BRAF: variants seen among roughly 807,000 people sequenced by gnomAD.
BRAF encodes serine/threonine-protein kinase B-raf.
BRAF carries 16 observed loss-of-function variants against 104.6 expected under a neutral mutation model. That is an observed-to-expected ratio of 0.15 (90% CI 0.10 to 0.23). The LOEUF (loss-of-function observed/expected upper bound fraction) is 0.23, where lower values mean the gene tolerates loss of function less well. Among genes scored for constraint, BRAF ranks in the 10% least tolerant of loss-of-function variants. The pLI is 1.00. For missense variants in BRAF, 541 were observed against 937.3 expected (o/e 0.58, Z 5.52); for synonymous variants, 310 against 341.6 (o/e 0.91, Z 1.02).
chr7:140,819,576 C>T (rs144467276), intron 3 of BRAF, among the ~76,000 whole-genome samples: 4 of 152,182 alleles, frequency 2.6e-5, no homozygotes, highest in South Asian at 2.1e-4. Flanking sequence ...AAAGTAGAAA[C>T]GACACAGATG....
At chr7:140,884,461 G>GTA (rs1202329807) in intron 1 of BRAF, among the ~76,000 whole-genome samples, 1 of 148,384 alleles carries the variant, frequency 6.7e-6, no homozygotes, top group Non-Finnish European at 1.5e-5. Context: ...GTGTGTGTGT[G>GTA]TGTGTGTGTG....
chr7:140,777,193 CTTT>C, intron 13 of BRAF, 105 bp from the exon 13 acceptor site: 5 of 976,720 alleles, frequency 5.1e-6, no homozygotes, highest in Non-Finnish European at 7.3e-6. Flanking sequence ...TCAGAAAAAG[CTTT>C]TTTTTTTTTA....
chr7:140,868,962 G>A (rs373553548), intron 1 of BRAF, among the ~76,000 whole-genome samples: 72 of 152,224 alleles, frequency 4.7e-4, no homozygotes, highest in African/African-American at 1.6e-3. Context: ...AGGATTTGCT[G>A]GTAAATTGGA....
chr7:140,843,865 TG>T (rs1808259955), intron 2 of BRAF, among the ~76,000 whole-genome samples: 1 of 151,668 alleles, frequency 6.6e-6, no homozygotes, highest in South Asian at 2.1e-4. Flanking sequence ...CAAAATTAGA[TG>T]GGCGTGGTGG....
intron 10 of BRAF, among the ~76,000 whole-genome samples, chr7:140,785,497 C>T (rs73491853): frequency 0.078 from 11,798 of 152,218 alleles, 1,484 homozygotes; most frequent in African/African-American, 0.27. Flanking sequence ...TGACAGACAG[C>T]ATACAGAAAG....
chr7:140,854,205 C>G (rs1809517761), intron 1 of BRAF, among the ~76,000 whole-genome samples: 1 of 152,104 alleles, frequency 6.6e-6, no homozygotes, highest in Non-Finnish European at 1.5e-5. Context: ...TAGAGCATCC[C>G]TCTATGATGT....
intron 12 of BRAF, chr7:140,779,791 G>C (rs142762765): frequency 1.3e-5 from 2 of 152,212 alleles, no homozygotes; most frequent in South Asian, 2.1e-4. Context: ...AATTAGCCAG[G>C]GGTGGTGGTA....
At chr7:140,756,552 C>A (rs1194301136) in intron 14 of BRAF, among the ~76,000 whole-genome samples, 3 of 151,380 alleles carry the variant, frequency 2.0e-5, no homozygotes, top group East Asian at 3.9e-4. Context: ...AAAAAAAAAA[C>A]CCAAACAAAA....
chr7:140,847,638 G>C (rs1413985493), intron 2 of BRAF, among the ~76,000 whole-genome samples: 1 of 151,732 alleles, frequency 6.6e-6, no homozygotes, highest in East Asian at 1.9e-4. Context: ...AGCAGTACAA[G>C]ATAAATCAAC....
intron 17 of BRAF, chr7:140,747,435 G>A (rs573740957): frequency 7.0e-6 from 9 of 1,288,560 alleles, no homozygotes; most frequent in Non-Finnish European, 9.1e-6. Flanking sequence ...TACTCCCATG[G>A]AGGACAAAGC....
chr7:140,915,476 C>T (rs1318202783), intron 1 of BRAF, among the ~76,000 whole-genome samples: 1 of 146,940 alleles, frequency 6.8e-6, no homozygotes, highest in African/African-American at 2.5e-5. Context: ...CTCTTGTTGC[C>T]CAGGCTGGAG....
At chr7:140,778,196 A>G in intron 12 of BRAF, 121 bp from the exon 12 acceptor site, 1 of 882,562 alleles carries the variant, frequency 1.1e-6, no homozygotes, top group Non-Finnish European at 1.8e-6. Flanking sequence ...TAAATCACAA[A>G]TAAATTATAC....
Position 140,800,447 on chromosome 7 carries a change from G to C in BRAF, c.895C>G (p.Pro299Ala). The C allele has an allele frequency of 1.2e-6, 2 of 1,614,098 alleles. No individual in the cohort carries two copies. Among genetic ancestry groups the C allele is most frequent in the Non-Finnish European group, 8.5e-7 (1 of 1,180,026 alleles). Residue 299 changes from proline (P) to alanine (A), a missense_variant, in exon 7 of 20, where the codon CCA becomes GCA. Physicochemically the swap from Pro to Ala is conservative, Grantham distance 27. This residue lies in a region of BRAF where 79 missense variants were observed against 74.6 expected (regional missense o/e 1.06). Transcript: ENST00000644969. ...AAGGACGCCTCTTCCTGTGGTATTG[G>C]GTGGTGTTCAAAGAACTTGGAGACA... The part of the protein sequence containing the change: ...LFVSKFFEHH[P>A]IPQEEASLAE...
At chr7:140,823,956 C>T (rs750885861) in intron 3 of BRAF, 31 of 152,132 alleles carry the variant, frequency 2.0e-4, no homozygotes, top group Non-Finnish European at 3.5e-4. Context: ...ATCTGGATAT[C>T]TTCATTAAAG....
At chr7:140,744,682 A>G (rs1303817025) in intron 17 of BRAF, among the ~76,000 whole-genome samples, 1 of 152,226 alleles carries the variant, frequency 6.6e-6, no homozygotes, top group Admixed American at 6.5e-5. Context: ...ACTAAGTCTT[A>G]GTATCTAGTG....
intron 1 of BRAF, among the ~76,000 whole-genome samples, chr7:140,917,906 A>C (rs1287485060): frequency 2.0e-5 from 3 of 152,204 alleles, no homozygotes; most frequent in Non-Finnish European, 4.4e-5. Flanking sequence ...AGTCAAACTC[A>C]TTTGTTTAAA....
chr7:140,813,517 T>C (rs1232356824), intron 3 of BRAF, among the ~76,000 whole-genome samples: 2 of 152,210 alleles, frequency 1.3e-5, no homozygotes, highest in East Asian at 3.8e-4. Flanking sequence ...TCTGGGAATC[T>C]ATCTCACAGA....
chr7:140,923,620 C>T (rs909996442), intron 1 of BRAF, among the ~76,000 whole-genome samples: 1 of 152,078 alleles, frequency 6.6e-6, no homozygotes, highest in Non-Finnish European at 1.5e-5. Flanking sequence ...CAAAAAGTGC[C>T]AGTAGTGCAA....
At chr7:140,869,284 C>T (rs1167788179) in intron 1 of BRAF, among the ~76,000 whole-genome samples, 2 of 152,116 alleles carry the variant, frequency 1.3e-5, no homozygotes, top group Non-Finnish European at 2.9e-5. Flanking sequence ...CCCCCATCCC[C>T]TTCTTAACAT....
Sources: allele counts gnomAD v4.1 joint callset (sites outside exome capture counted in the v4.1 genomes callset), GRCh38; gene constraint gnomAD v4.1.1; regional missense constraint gnomAD v4.1.1; transcripts MANE v1.5; gene names NCBI Gene and HGNC (gene_info 2026-07-23, HGNC 2026-07-21).